The following CAP1 variants were observed in gnomAD, a reference collection of about 807,000 sequenced individuals.
The protein encoded by CAP1 is cyclase associated actin cytoskeleton regulatory protein 1.
Under a neutral mutation model 58.2 loss-of-function variants are expected in CAP1, and 11 were observed. That is an observed-to-expected ratio of 0.19 (90% CI 0.12 to 0.31). The LOEUF is 0.31. Among genes scored for constraint, CAP1 ranks in the 10% least tolerant of loss-of-function variants. The pLI, the probability that CAP1 is intolerant of heterozygous loss-of-function variation, is 1.00. For synonymous variants in CAP1, 183 were observed against 213.8 expected (o/e 0.86, Z 1.26); for missense variants, 423 against 587.5 (o/e 0.72, Z 2.89).
At chr1:40,044,051 G>A (rs1032642311) in intron 1 of CAP1, among the ~76,000 whole-genome samples, 1 of 152,154 alleles carries the variant, frequency 6.6e-6, no homozygotes, top group Non-Finnish European at 1.5e-5. Flanking sequence ...GATTCAGTGA[G>A]TATATTTTTG....
In CAP1 at chr1:40,071,045, A is replaced by G. The variant is rs1647860624; in HGVS notation, c.1344+66A>G. The stretch of plus-strand genomic sequence containing the variant: ...AGGGACTGAAGATTTCTGGCATTGA[A>G]GAAAGCTATTTTATGAACATTCTGC... On this transcript the variant is annotated intron_variant, in intron 12 of 12. Coordinates refer to ENST00000372805, the MANE Select transcript of CAP1 (RefSeq NM_006367.4). 9.7e-6 allele frequency: 14 copies of G among 1,449,502 alleles called. No homozygotes were observed. In the South Asian group the frequency reaches 1.7e-4, roughly 17 times the overall value. 89.8% of individuals were successfully genotyped at this position (1,449,502 alleles called of 1,614,324 possible).
At chr1:40,061,118 AAGTTTC>A (rs1646830795) in intron 3 of CAP1, among the ~76,000 whole-genome samples, 1 of 151,798 alleles carries the variant, frequency 6.6e-6, no homozygotes, top group African/African-American at 2.4e-5. Flanking sequence ...ACTGAGATAA[AAGTTTC>A]ACAAGATGAT....
intron 7 of CAP1, 136 bp downstream of exon 7, chr1:40,066,456 AAGG>A (rs1647088812): frequency 1.6e-6 from 1 of 627,018 alleles, no homozygotes; most frequent in South Asian, 1.9e-5. Context: ...GGAGGAAGAA[AAGG>A]AGGAGAAAGA....
At chr1:40,067,782 A>G in intron 8 of CAP1, 65 bp downstream of exon 8, 1 of 1,207,776 alleles carries the variant, frequency 8.3e-7, no homozygotes, top group South Asian at 1.3e-5. Flanking sequence ...CCCACCAACC[A>G]GAACCGTCTG....
chr1:40,059,372 A>G lies in CAP1; in HGVS notation c.26A>G (p.Glu9Gly), dbSNP rs1474886791. 1 of 1,613,152 alleles carries G rather than the reference A, an allele frequency of 6.2e-7. No individual in the cohort carries two copies. The highest frequency in any genetic ancestry group is 8.5e-7 in the Non-Finnish European group (1 of 1,179,218). The change falls in exon 2 of 13, where the codon GAA becomes GGA. Residue 9 changes from glutamate to glycine, a missense_variant. By Grantham distance (98) the Glu-to-Gly change is moderately conservative (BLOSUM62 -2). Coordinates refer to ENST00000372805, the MANE Select transcript of CAP1 (RefSeq NM_006367.4). ...ATGGCTGACATGCAAAATCTGGTAGAAAGATTGGAGAGGGCAGTGGGCCGC... is the reference window on the plus strand; with the variant it reads ...ATGGCTGACATGCAAAATCTGGTAGGAAGATTGGAGAGGGCAGTGGGCCGC... MADMQNLV[E>G]RLERAVGRLE...
At chr1:40,055,790 T>C (rs1048155444) in intron 1 of CAP1, among the ~76,000 whole-genome samples, 1 of 152,018 alleles carries the variant, frequency 6.6e-6, no homozygotes, top group Non-Finnish European at 1.5e-5. Context: ...ATTAGAGGAG[T>C]GAGCCACTGT....
rs61352266 is a variant in CAP1 at position 40,072,252 on chromosome 1, G to GAAA, written c.*736_*738dup. On this transcript the variant is annotated 3_prime_UTR_variant, in exon 13 of 13. Coordinates refer to ENST00000372805, the MANE Select transcript of CAP1 (RefSeq NM_006367.4). The stretch of plus-strand genomic sequence containing the variant: ...CTTCCTATAGAGATGACTTTAAAAG[G>GAAA]AAAAAAAAAAAAAAAAAAACCCACA... 6.2e-4 allele frequency: 100 copies of GAAA among 160,680 alleles called. No individual in the cohort carries two copies. Among genetic ancestry groups the GAAA allele is most frequent in the African/African-American group, 4.3e-3 (86 of 20,206 alleles). The allele number at this position is 160,680 out of a possible 1,614,324, so 10.0% of individuals were successfully genotyped here. A position where few individuals can be genotyped will look rare whatever the true frequency, so the allele number is the denominator to read the frequency against.
At chr1:40,055,304 G>A (rs1040590226) in intron 1 of CAP1, among the ~76,000 whole-genome samples, 4 of 151,146 alleles carry the variant, frequency 2.6e-5, no homozygotes, top group African/African-American at 9.7e-5. Flanking sequence ...TACCCTGAAC[G>A]CTCTGGGGTA....
chr1:40,071,168 G>A (rs866784130), intron 12 of CAP1, among the ~76,000 whole-genome samples, 189 bp downstream of exon 12: 2 of 152,196 alleles, frequency 1.3e-5, no homozygotes, highest in South Asian at 2.1e-4. Context: ...TTCTGCCTAA[G>A]TGGAGCTCAA....
At chr1:40,070,057 A>C in intron 9 of CAP1, 102 bp from the exon 10 acceptor site, 3 of 1,524,892 alleles carry the variant, frequency 2.0e-6, no homozygotes, top group Non-Finnish European at 2.7e-6. Context: ...ATGAGGGCAG[A>C]GTTCTGGCTT....
At chr1:40,041,710 CAA>C (rs1321044287) in intron 1 of CAP1, among the ~76,000 whole-genome samples, 1 of 152,190 alleles carries the variant, frequency 6.6e-6, no homozygotes, top group Admixed American at 6.5e-5. Flanking sequence ...AGCTTTAAAA[CAA>C]AACAATGTAG....
chr1:40,056,075 C>T (rs1263531429), intron 1 of CAP1, among the ~76,000 whole-genome samples: 1 of 152,088 alleles, frequency 6.6e-6, no homozygotes, highest in Non-Finnish European at 1.5e-5. Context: ...TGCTTATAGT[C>T]ACAAAGCCAC....
At chr1:40,052,134 T>G (rs1004430123) in intron 1 of CAP1, among the ~76,000 whole-genome samples, 3 of 152,206 alleles carry the variant, frequency 2.0e-5, no homozygotes, top group Non-Finnish European at 4.4e-5. Flanking sequence ...TAAATTCCCA[T>G]CCTTCTTGAG....
At chr1:40,043,704 C>A (rs1474577154) in intron 1 of CAP1, among the ~76,000 whole-genome samples, 1 of 151,950 alleles carries the variant, frequency 6.6e-6, no homozygotes, top group African/African-American at 2.4e-5. Flanking sequence ...TGGTGAAACA[C>A]CATCACTACT....
At chr1:40,069,419 A>G (rs1420058602) in intron 8 of CAP1, 1 of 275,774 alleles carries the variant, frequency 3.6e-6, no homozygotes, top group Non-Finnish European at 6.8e-6. Context: ...TACATTTGAT[A>G]TGTCTTTCTA....
At position 40,061,779 on chromosome 1, in the gene CAP1, G is replaced by A; in HGVS notation, c.261G>A (p.Leu87=). 6.2e-7 allele frequency: 1 copy of A among 1,614,136 alleles called. No individual in the cohort carries two copies. Among genetic ancestry groups the A allele is most frequent in the Non-Finnish European group, 8.5e-7 (1 of 1,179,986 alleles). ...HTGLKLERAL[L]VTASQCQQPA... ...GTTTGAAGTTGGAGCGAGCTCTGTT[G>A]GTTACAGCTTCTCAGTGTCAACAGC... The change falls in exon 4 of 13, where the codon TTG becomes TTA. Residue 87 remains leucine, a synonymous_variant. Coordinates refer to ENST00000372805, the MANE Select transcript of CAP1 (RefSeq NM_006367.4).
intron 8 of CAP1, among the ~76,000 whole-genome samples, chr1:40,068,423 A>C (rs1382242042): frequency 6.0e-5 from 9 of 150,540 alleles, no homozygotes; most frequent in Non-Finnish European, 8.9e-5. Flanking sequence ...GCCATGCGTC[A>C]CCATGCCTGG....
At chr1:40,060,213 A>G (rs1180710809) in intron 3 of CAP1, 43 bp downstream of exon 3, 2 of 1,455,832 alleles carry the variant, frequency 1.4e-6, no homozygotes, top group Non-Finnish European at 1.9e-6. Flanking sequence ...AAGGACTAAC[A>G]GCTTTCTTCA....
At position 40,065,655 on chromosome 1, in the gene CAP1, G is replaced by A. The variant is rs114820752; in HGVS notation, c.525-560G>A. ...CATAAGAAGAGAGGGGACTTGAACCGTAGGCACAATGCTATTTCTATAATT... is the reference window on the plus strand; with the variant it reads ...CATAAGAAGAGAGGGGACTTGAACCATAGGCACAATGCTATTTCTATAATT... On this transcript the variant is annotated intron_variant, in intron 6 of 12. Coordinates refer to ENST00000372805, the MANE Select transcript of CAP1 (RefSeq NM_006367.4). Among the ~76,000 whole-genome samples the A allele has an allele frequency of 6.6e-3, 1,010 of 152,308 alleles. 13 individuals are homozygous for A. Among genetic ancestry groups the A allele is most frequent in the African/African-American group, 0.023 (974 of 41,576 alleles).
Sources: gnomAD v4.1 joint callset for allele counts (sites outside exome capture counted in the v4.1 genomes callset) on GRCh38, gnomAD v4.1.1 for gene constraint, MANE v1.5 for transcripts, NCBI Gene and HGNC (gene_info 2026-07-23, HGNC 2026-07-21) for gene names.